The following SLC30A6 variants were observed in gnomAD, a reference collection of about 807,000 sequenced individuals.
The protein encoded by SLC30A6 is zinc transporter 6.
Under a neutral mutation model 63.0 loss-of-function variants are expected in SLC30A6, and 55 were observed. The observed-to-expected ratio is 0.87, with a 90% confidence interval of 0.70 to 1.09. The LOEUF is 1.09. Ranked by LOEUF, SLC30A6 falls within the 50% of genes least tolerant of loss-of-function variation. SLC30A6 has a pLI of 0.00. For synonymous variants in SLC30A6, 224 were observed against 186.1 expected (o/e 1.20, Z -1.66); for missense variants, 587 against 549.2 (o/e 1.07, Z -0.69).
At chr2:32,197,312 A>G (rs370735155) in intron 8 of SLC30A6, 32 bp from the exon 9 acceptor site, 8 of 1,579,390 alleles carry the variant, frequency 5.1e-6, no homozygotes, top group African/African-American at 4.1e-5. Context: ...TTTTTCTTCT[A>G]TATAGATAAT....
At chr2:32,206,606 C>T (rs1322836143) in intron 11 of SLC30A6, among the ~76,000 whole-genome samples, 1 of 152,084 alleles carries the variant, frequency 6.6e-6, no homozygotes, top group East Asian at 1.9e-4. Context: ...CAAAATACGA[C>T]CTTTGTAACC....
chr2:32,204,821 T>TC, intron 11 of SLC30A6, 129 bp downstream of exon 11: 1 of 325,372 alleles, frequency 3.1e-6, no homozygotes, highest in Middle Eastern at 1.0e-3. Context: ...ATTTTTTTTT[T>TC]TTTTTTTTTA....
At chr2:32,176,993 G>A (rs1182357288) in intron 4 of SLC30A6, among the ~76,000 whole-genome samples, 3 of 151,900 alleles carry the variant, frequency 2.0e-5, no homozygotes, top group East Asian at 4.0e-4. Context: ...GGCTGGTCTC[G>A]AACTCCTGAC....
chr2:32,171,422 T>G, intron 2 of SLC30A6, 49 bp downstream of exon 2: 1 of 1,418,358 alleles, frequency 7.1e-7, no homozygotes, highest in Non-Finnish European at 1.0e-6. Context: ...AACAACATTA[T>G]AACATTGAAG....
intron 5 of SLC30A6, among the ~76,000 whole-genome samples, chr2:32,188,116 A>G (rs1573311283): frequency 6.6e-6 from 1 of 152,274 alleles, no homozygotes; most frequent in Non-Finnish European, 1.5e-5. Flanking sequence ...TGGCCTCTAT[A>G]GGATACTGAC....
At position 32,221,178 on chromosome 2, in the gene SLC30A6, G is replaced by C. The variant is rs1315330469; in HGVS notation, c.*465G>C. On this transcript the variant is annotated 3_prime_UTR_variant, in exon 14 of 14. Coordinates refer to ENST00000282587, the MANE Select transcript of SLC30A6 (RefSeq NM_017964.5). ...TAGTTTTTGTTTTGTTTTGTTTTTTGAGATGGAGTCTCACTCTGTCGCCCA... is the reference window on the plus strand; with the variant it reads ...TAGTTTTTGTTTTGTTTTGTTTTTTCAGATGGAGTCTCACTCTGTCGCCCA... The C allele has an allele frequency of 4.9e-6, 1 of 205,982 alleles. No homozygotes were observed. 12.8% of individuals were successfully genotyped at this position (205,982 alleles called of 1,614,324 possible). A position where few individuals can be genotyped will look rare whatever the true frequency, so the allele number is the denominator to read the frequency against.
rs983227390 is a variant in SLC30A6, at chr2:32,167,796, C to G, written c.3+1893C>G. On this transcript the variant is annotated intron_variant, in intron 1 of 13. Transcript: ENST00000282587. ...ATAAAGGGATAAGAGACTTAAAATT[C>G]AGAGGTCTTTCAGATTATACACCTT... Among the ~76,000 whole-genome samples the G allele has an allele frequency of 3.9e-5, 6 of 152,268 alleles. No individual in the cohort carries two copies. The South Asian group carries it at 1.2e-3, about 32-fold the overall frequency.
At chr2:32,191,886 T>C (rs1573327630) in intron 5 of SLC30A6, among the ~76,000 whole-genome samples, 1 of 152,008 alleles carries the variant, frequency 6.6e-6, no homozygotes, top group Non-Finnish European at 1.5e-5. Context: ...AAAAAGTGGA[T>C]AAAGTAATTC....
chr2:32,186,737 C>T (rs1682854194), intron 5 of SLC30A6, among the ~76,000 whole-genome samples: 1 of 150,556 alleles, frequency 6.6e-6, no homozygotes, highest in African/African-American at 2.4e-5. Context: ...GTGGCTCATG[C>T]CTGTAATCCC....
intron 13 of SLC30A6, among the ~76,000 whole-genome samples, chr2:32,215,252 C>T (rs1300779116): frequency 2.0e-5 from 3 of 151,870 alleles, no homozygotes; most frequent in Non-Finnish European, 2.9e-5. Flanking sequence ...TGGAGTGTAG[C>T]GACATGATCT....
chr2:32,189,281 C>CTT (rs61221362), intron 5 of SLC30A6, among the ~76,000 whole-genome samples: 15 of 114,870 alleles, frequency 1.3e-4, no homozygotes, highest in East Asian at 2.5e-4. Flanking sequence ...TTGATACTGT[C>CTT]TTTTTTTTTT....
At chr2:32,173,262 T>A (rs995182505) in intron 2 of SLC30A6, among the ~76,000 whole-genome samples, 3 of 152,178 alleles carry the variant, frequency 2.0e-5, no homozygotes, top group Non-Finnish European at 4.4e-5. Context: ...TTGTGCCCAC[T>A]AATTCACATA....
chr2:32,201,575 C>T (rs893057480), intron 10 of SLC30A6: 66 of 1,384,038 alleles, frequency 4.8e-5, no homozygotes, highest in African/African-American at 3.4e-4. Context: ...CCACTGTGCC[C>T]GGAGGGAGGC....
At chr2:32,206,593 A>G (rs1171128100) in intron 11 of SLC30A6, among the ~76,000 whole-genome samples, 2 of 152,232 alleles carry the variant, frequency 1.3e-5, no homozygotes, top group African/African-American at 4.8e-5. Context: ...GCTATGCCCT[A>G]TACAAAATAC....
chr2:32,172,604 C>T (rs1325003857), intron 2 of SLC30A6, among the ~76,000 whole-genome samples: 4 of 152,168 alleles, frequency 2.6e-5, no homozygotes, highest in Non-Finnish European at 5.9e-5. Context: ...TCATTAAGTT[C>T]ACTTTCTTTC....
intron 4 of SLC30A6, among the ~76,000 whole-genome samples, chr2:32,178,370 C>T (rs1464665162): frequency 6.6e-6 from 1 of 151,982 alleles, no homozygotes; most frequent in Non-Finnish European, 1.5e-5. Flanking sequence ...GCCTTGGTAC[C>T]CTTGTCAAAA....
At chr2:32,217,095 AC>A (rs1685779126) in intron 13 of SLC30A6, among the ~76,000 whole-genome samples, 1 of 151,244 alleles carries the variant, frequency 6.6e-6, no homozygotes, top group Non-Finnish European at 1.5e-5. Flanking sequence ...ACAGGGTTTC[AC>A]CATGTTGGTC....
intron 2 of SLC30A6, among the ~76,000 whole-genome samples, chr2:32,172,444 G>A (rs2148801274): frequency 6.6e-6 from 1 of 151,828 alleles, no homozygotes; most frequent in South Asian, 2.1e-4. Flanking sequence ...GAACTCCTGG[G>A]CTCAAGGGAT....
chr2:32,178,994 G>T (rs1195999494), intron 4 of SLC30A6, among the ~76,000 whole-genome samples: 1 of 152,126 alleles, frequency 6.6e-6, no homozygotes, highest in Non-Finnish European at 1.5e-5. Flanking sequence ...TGAGTGAGTG[G>T]TACCACAGGC....
Sources: gnomAD v4.1 joint callset for allele counts (sites outside exome capture counted in the v4.1 genomes callset) on GRCh38, gnomAD v4.1.1 for gene constraint, MANE v1.5 for transcripts, NCBI Gene and HGNC (gene_info 2026-07-23, HGNC 2026-07-21) for gene names.